Variants in CACNA1C observed in about 807,000 individuals in gnomAD.
The protein encoded by CACNA1C is voltage-dependent L-type calcium channel subunit alpha-1C.
Under a neutral mutation model 229.0 loss-of-function variants are expected in CACNA1C, and 30 were observed. The observed-to-expected ratio is 0.13, with a 90% CI of 0.10 to 0.18. The LOEUF (loss-of-function observed/expected upper bound fraction) is 0.18. CACNA1C is among the 10% of genes least tolerant of loss of function. The pLI is 1.00. For missense variants in CACNA1C, 1,658 were observed against 2,845.0 expected, an observed-to-expected ratio of 0.58 and a Z score of 9.49; for synonymous variants, 1,114 against 1,132.5, an observed-to-expected ratio of 0.98 and a Z score of 0.33.
At chr12:2,648,618 G>C in intron 31 of CACNA1C, 111 bp downstream of exon 31, 1 of 860,724 alleles carries the variant, frequency 1.2e-6, no homozygotes, top group South Asian at 1.4e-5. Context: ...GGCTCTCACT[G>C]CATGTGGCCA....
chr12:2,408,666 GCA>G (rs2098767095), intron 3 of CACNA1C, among the ~76,000 whole-genome samples: 1 of 152,084 alleles, frequency 6.6e-6, no homozygotes, highest in African/African-American at 2.4e-5. Flanking sequence ...GATTTTGGTT[GCA>G]CTTAGTAGGG....
intron 3 of CACNA1C, among the ~76,000 whole-genome samples, chr12:2,430,637 T>C (rs980849304): frequency 6.6e-6 from 1 of 152,100 alleles, no homozygotes; most frequent in Admixed American, 6.5e-5. Flanking sequence ...CGTAAACACT[T>C]CCTTTCCCCT....
intron 1 of CACNA1C, among the ~76,000 whole-genome samples, chr12:2,018,506 C>G (rs562954617): frequency 6.6e-6 from 1 of 152,230 alleles, no homozygotes; most frequent in African/African-American, 2.4e-5. Context: ...AGAGGGGAAG[C>G]TAGAATGTTG....
At chr12:1,992,837 CA>C in intron 1 of CACNA1C, 1 of 373,772 alleles carries the variant, frequency 2.7e-6, no homozygotes, top group Non-Finnish European at 4.8e-6. Context: ...TACAGGCCCT[CA>C]AACACTTTGT....
intron 3 of CACNA1C, among the ~76,000 whole-genome samples, chr12:2,253,376 T>A (rs1241008878): frequency 2.0e-5 from 3 of 152,238 alleles, no homozygotes; most frequent in Admixed American, 2.0e-4. Context: ...GTTCTGAGTT[T>A]ATAAGGGGCA....
chr12:2,342,125 C>G (rs1027709455), intron 3 of CACNA1C, among the ~76,000 whole-genome samples: 3 of 152,202 alleles, frequency 2.0e-5, no homozygotes, highest in Admixed American at 2.0e-4. Flanking sequence ...CTTAAAAACC[C>G]TCCTTAGGCA....
intron 1 of CACNA1C, among the ~76,000 whole-genome samples, chr12:1,975,213 T>G (rs1041530956): frequency 6.6e-6 from 1 of 152,162 alleles, no homozygotes; most frequent in Non-Finnish European, 1.5e-5. Context: ...AAACCCTTTA[T>G]GTTTAAACAG....
chr12:1,985,036 A>T (rs1387675441), intron 1 of CACNA1C, among the ~76,000 whole-genome samples: 9 of 139,712 alleles, frequency 6.4e-5, no homozygotes, highest in Non-Finnish European at 9.4e-5. Context: ...TTTCAAGATT[A>T]AAAAAAAAAA....
intron 42 of CACNA1C, chr12:2,681,847 G>C: frequency 1.3e-6 from 1 of 746,816 alleles, no homozygotes; most frequent in South Asian, 1.4e-5. Context: ...AGCATGCAAG[G>C]TCTATAGAAA....
At chr12:2,496,211 A>G (rs1458536915) in intron 7 of CACNA1C, among the ~76,000 whole-genome samples, 2 of 152,210 alleles carry the variant, frequency 1.3e-5, no homozygotes, top group African/African-American at 4.8e-5. Context: ...AACGCTGGAA[A>G]TCTAACCTGT....
chr12:2,637,634 G>T (rs1407621409), intron 30 of CACNA1C, among the ~76,000 whole-genome samples: 1 of 152,250 alleles, frequency 6.6e-6, no homozygotes, highest in Non-Finnish European at 1.5e-5. Context: ...CCTCCCACTA[G>T]ATTCTGCCTC....
At chr12:2,107,543 C>G (rs1487758359) in intron 1 of CACNA1C, among the ~76,000 whole-genome samples, 1 of 152,250 alleles carries the variant, frequency 6.6e-6, no homozygotes, top group Admixed American at 6.5e-5. Context: ...TCCACCTCAG[C>G]TGGGGTGTCC....
intron 25 of CACNA1C, 131 bp from the exon 26 acceptor site, chr12:2,606,853 T>G: frequency 1.8e-6 from 2 of 1,127,872 alleles, no homozygotes; most frequent in Non-Finnish European, 2.6e-6. Context: ...CCACTGAAGC[T>G]CCTCCCATGG....
intron 3 of CACNA1C, among the ~76,000 whole-genome samples, chr12:2,301,525 G>A (rs1301425322): frequency 2.6e-5 from 4 of 152,174 alleles, no homozygotes; most frequent in East Asian, 3.9e-4. Flanking sequence ...TCCGCCCCCC[G>A]CCACCCCACC....
chr12:2,629,299 A>C (rs2089091865), intron 29 of CACNA1C, among the ~76,000 whole-genome samples: 1 of 23,752 alleles, frequency 4.2e-5, no homozygotes, highest in South Asian at 7.9e-4. Context: ...ATAGGTAGTC[A>C]TCCCATCCCT....
At chr12:2,221,076 A>G (rs2061349831) in intron 3 of CACNA1C, among the ~76,000 whole-genome samples, 2 of 152,336 alleles carry the variant, frequency 1.3e-5, no homozygotes, top group South Asian at 4.1e-4. Context: ...TTGCAAAGAA[A>G]GAGAGGAAGA....
At chr12:2,548,254 A>T (rs1176684223) in intron 9 of CACNA1C, among the ~76,000 whole-genome samples, 1 of 152,150 alleles carries the variant, frequency 6.6e-6, no homozygotes, top group Non-Finnish European at 1.5e-5. Context: ...CTATAAAGTG[A>T]GTGTAATGCT....
chr12:2,561,558 G>A (rs1311536599), intron 11 of CACNA1C, among the ~76,000 whole-genome samples: 1 of 152,264 alleles, frequency 6.6e-6, no homozygotes, highest in African/African-American at 2.4e-5. Context: ...GCATCGTGGA[G>A]AAGCTGGGAC....
At chr12:2,197,077 T>C (rs974022856) in intron 3 of CACNA1C, among the ~76,000 whole-genome samples, 1 of 152,134 alleles carries the variant, frequency 6.6e-6, no homozygotes, top group Non-Finnish European at 1.5e-5. Flanking sequence ...TTCCACGAGG[T>C]ACAGGCTGGC....
Sources: gnomAD v4.1 joint callset for allele counts (sites outside exome capture counted in the v4.1 genomes callset) on GRCh38, gnomAD v4.1.1 for gene constraint, MANE v1.5 for transcripts, NCBI Gene and HGNC (gene_info 2026-07-23, HGNC 2026-07-21) for gene names.